Variants in GCA observed in about 807,000 individuals in gnomAD.
GCA encodes grancalcin.
A neutral mutation model predicts 32.6 loss-of-function variants in GCA; 30 were observed. The observed-to-expected ratio is 0.92, with a 90% CI of 0.69 to 1.25. GCA has a LOEUF of 1.25. Ranked by LOEUF, GCA falls within the 50% of genes most tolerant of loss-of-function variation. GCA has a pLI of 0.00. For synonymous variants in GCA, 102 were observed against 84.6 expected (o/e 1.21, Z -1.13); for missense variants, 291 against 266.8 (o/e 1.09, Z -0.63).
Position 162,347,686 on chromosome 2 carries a change from ACTTATTC to A in GCA, c.139_145del (p.Tyr47GlnfsTer29). On this transcript the variant is annotated frameshift_variant, in exon 2 of 8. Transcript: ENST00000437150. LOFTEE classifies it high-confidence loss of function. ...ATACTCTGGGCCAGCATATTCAGAC[ACTTATTC>A]CTCAGCTGGTGACTCCGTGTATACT... The A allele has an allele frequency of 1.2e-6, 2 of 1,608,540 alleles. No individual in the cohort carries two copies. The highest frequency in any genetic ancestry group is 1.7e-6 in the Non-Finnish European group (2 of 1,176,406).
intron 2 of GCA, among the ~76,000 whole-genome samples, chr2:162,349,867 C>G (rs1031111077): frequency 1.3e-5 from 2 of 152,104 alleles, no homozygotes; most frequent in African/African-American, 4.8e-5. Flanking sequence ...TTATAATGGT[C>G]AAGAAAGATT....
intron 3 of GCA, among the ~76,000 whole-genome samples, chr2:162,353,833 C>T (rs7587426): frequency 0.39 from 58,626 of 151,978 alleles, 13,328 homozygotes; most frequent in Non-Finnish European, 0.53. Context: ...ATGATATTTT[C>T]TGTTTCTTGG....
chr2:162,349,657 TG>T (rs1322295378), intron 2 of GCA, among the ~76,000 whole-genome samples: 3 of 150,200 alleles, frequency 2.0e-5, no homozygotes, highest in African/African-American at 7.4e-5. Context: ...GAGATCTACA[TG>T]AAAATCATCT....
downstream of GCA, among the ~76,000 whole-genome samples, chr2:162,365,830 G>A (rs973909587): frequency 6.6e-6 from 1 of 151,560 alleles, no homozygotes; most frequent in African/African-American, 2.4e-5. Flanking sequence ...GAAGAAAGAT[G>A]CCATATCATT....
chr2:162,351,966 C>T (rs1043889981), intron 2 of GCA, among the ~76,000 whole-genome samples: 1 of 152,012 alleles, frequency 6.6e-6, no homozygotes, highest in Non-Finnish European at 1.5e-5. Flanking sequence ...TATAAATAAT[C>T]TCCTCCCAAA....
At chr2:162,342,611 T>C (rs1450317560), upstream of GCA, among the ~76,000 whole-genome samples, 1 of 152,216 alleles carries the variant, frequency 6.6e-6, no homozygotes, top group Non-Finnish European at 1.5e-5. Flanking sequence ...ATACTATCTT[T>C]GCAATTAAAT....
intron 3 of GCA, among the ~76,000 whole-genome samples, chr2:162,355,686 A>G (rs568505017): frequency 3.9e-4 from 60 of 152,064 alleles, no homozygotes; most frequent in African/African-American, 1.4e-3. Flanking sequence ...GAAAGTGTTA[A>G]TATTTCAAAT....
chr2:162,368,145 A>G (rs1424659164), intron 4 of GCA, among the ~76,000 whole-genome samples: 1 of 151,974 alleles, frequency 6.6e-6, no homozygotes, highest in African/African-American at 2.4e-5. Context: ...ATTTCTGCCA[A>G]GTCTCCAGGT....
intron 1 of GCA, among the ~76,000 whole-genome samples, chr2:162,344,775 G>T (rs1684599743): frequency 6.6e-6 from 1 of 152,110 alleles, no homozygotes; most frequent in East Asian, 1.9e-4. Flanking sequence ...GCCCCCAGGC[G>T]GGGGGAAGTT....
In GCA at chr2:162,344,284, C is replaced by G; in HGVS notation, c.27+9C>G. 6.2e-7 allele frequency: 1 copy of G among 1,613,448 alleles called. No homozygotes were observed. The highest frequency in any genetic ancestry group is 8.5e-7 in the Non-Finnish European group (1 of 1,179,700). ...CGGGATACGGAGGAGGGGTGAGTCC[C>G]AGCCGCTTGGTCGTGTCCCTCTTCC... is the stretch of plus-strand genomic sequence containing the variant. On this transcript the variant is annotated intron_variant, in intron 1 of 7. Coordinates refer to ENST00000437150, the MANE Select transcript of GCA (RefSeq NM_012198.5).
Position 162,322,654 on chromosome 2 carries a change from G to A in GCA, c.-31+3429G>A, listed in dbSNP as rs897116807. 1.6e-4 allele frequency among the ~76,000 whole-genome samples: 23 copies of A among 146,506 alleles called. 1 individual carries two copies. Among genetic ancestry groups the A allele is most frequent in the Middle Eastern group, 3.7e-3 (1 of 268 alleles). ...TTCCCACCTATGAGTGAGAATATGC[G>A]GTGTTTGGTTTTTTGTTCTTGCGAT... On this transcript the variant is annotated intron_variant, in intron 1 of 4. Transcript: ENST00000429691.
intron 1 of GCA, among the ~76,000 whole-genome samples, chr2:162,326,249 A>G (rs937999024): frequency 6.6e-6 from 1 of 152,190 alleles, no homozygotes. Context: ...TCTGTCCTCA[A>G]GTCTACAGAA....
chr2:162,354,194 A>G (rs1685142124), intron 3 of GCA, among the ~76,000 whole-genome samples: 1 of 151,944 alleles, frequency 6.6e-6, no homozygotes, highest in Non-Finnish European at 1.5e-5. Flanking sequence ...TATTTTAACT[A>G]AATTGCTGAT....
chr2:162,343,208 A>G (rs751192219), upstream of GCA, among the ~76,000 whole-genome samples: 1 of 152,206 alleles, frequency 6.6e-6, no homozygotes, highest in Non-Finnish European at 1.5e-5. Flanking sequence ...ACTCAAAATA[A>G]TATCATTTGG....
At chr2:162,339,679 C>T (rs1684377861), upstream of GCA, among the ~76,000 whole-genome samples, 1 of 152,108 alleles carries the variant, frequency 6.6e-6, no homozygotes, top group Non-Finnish European at 1.5e-5. Context: ...GAAAGTTTGC[C>T]CCCTCTCTGG....
At chr2:162,343,910 G>C (rs935080491), upstream of GCA, among the ~76,000 whole-genome samples, 1 of 152,284 alleles carries the variant, frequency 6.6e-6, no homozygotes, top group Admixed American at 6.5e-5. Flanking sequence ...TTTAGAAGGA[G>C]AGCGCGCGAG....
At chr2:162,332,999 G>C (rs898837948) in intron 1 of GCA, among the ~76,000 whole-genome samples, 4 of 151,984 alleles carry the variant, frequency 2.6e-5, no homozygotes, top group Non-Finnish European at 5.9e-5. Context: ...TCTGCTGGGG[G>C]ATCAAAACAT....
chr2:162,361,237 A>C lies in GCA; in HGVS notation c.*994A>C. On this transcript the variant is annotated 3_prime_UTR_variant, in exon 8 of 8. Transcript: ENST00000437150. ...ATCTATGTGATGTGGTGTTTTGAGC[A>C]TAGTAGGCACCACAGCAACTTTTCT... The C allele has an allele frequency of 1.0e-6, 1 of 984,480 alleles. No individual in the cohort carries two copies. Among genetic ancestry groups the C allele is most frequent in the Non-Finnish European group, 1.2e-6 (1 of 829,226 alleles). 61.0% of individuals were successfully genotyped at this position (984,480 alleles called of 1,614,324 possible).
intron 1 of GCA, among the ~76,000 whole-genome samples, chr2:162,320,315 G>A (rs541287129): frequency 4.8e-4 from 73 of 152,234 alleles, no homozygotes; most frequent in African/African-American, 1.7e-3. Flanking sequence ...TTCTACAAAA[G>A]CACTCAAATT....
Sources: allele counts gnomAD v4.1 joint callset (sites outside exome capture counted in the v4.1 genomes callset), GRCh38; gene constraint gnomAD v4.1.1; transcripts MANE v1.5; gene names NCBI Gene and HGNC (gene_info 2026-07-23, HGNC 2026-07-21).